The following KCNMB4 variants were observed in gnomAD, a reference collection of about 807,000 sequenced individuals.
The protein encoded by KCNMB4 is potassium calcium-activated channel subfamily M regulatory beta subunit 4, also known as calcium-activated potassium channel subunit beta-4.
In KCNMB4, 3 loss-of-function variants were observed where a neutral mutation model predicts 20.7. That is an observed-to-expected ratio of 0.14 (90% confidence interval 0.07 to 0.37). The LOEUF (loss-of-function observed/expected upper bound fraction) is 0.37, where lower values mean the gene tolerates loss of function less well. Among genes scored for constraint, KCNMB4 ranks in the 10% least tolerant of loss-of-function variants. The probability of loss-of-function intolerance (pLI) is 1.00; values close to 1 mark genes in which losing one functional copy is unlikely to be tolerated. For synonymous variants in KCNMB4, 110 were observed against 113.4 expected (o/e 0.97, Z 0.19); for missense variants, 168 against 265.9 (o/e 0.63, Z 2.56).
chr12:70,379,581 T>G (rs780132143), intron 1 of KCNMB4, among the ~76,000 whole-genome samples: 27 of 152,302 alleles, frequency 1.8e-4, no homozygotes, highest in Non-Finnish European at 3.1e-4. Flanking sequence ...CACACCTGGC[T>G]AATGTTTGTA....
At chr12:70,426,758 A>G (rs1317841928) in intron 2 of KCNMB4, among the ~76,000 whole-genome samples, 1 of 152,206 alleles carries the variant, frequency 6.6e-6, no homozygotes, top group Non-Finnish European at 1.5e-5. Context: ...TTAAGGATCA[A>G]ATGAGTCTGA....
intron 2 of KCNMB4, among the ~76,000 whole-genome samples, chr12:70,422,276 C>T (rs1869087519): frequency 6.6e-6 from 1 of 152,162 alleles, no homozygotes; most frequent in Non-Finnish European, 1.5e-5. Context: ...AACTTGGTAA[C>T]TCAGAGAAAC....
At chr12:70,427,559 A>G (rs1869246045) in intron 2 of KCNMB4, among the ~76,000 whole-genome samples, 1 of 152,238 alleles carries the variant, frequency 6.6e-6, no homozygotes, top group Admixed American at 6.5e-5. Flanking sequence ...CAGTATAGCT[A>G]ACTCGGAGGG....
chr12:70,401,636 C>G (rs934856899), intron 2 of KCNMB4, among the ~76,000 whole-genome samples: 2 of 139,952 alleles, frequency 1.4e-5, no homozygotes, highest in African/African-American at 5.3e-5. Context: ...AGCAATGACA[C>G]TTTTTTTTTT....
intron 1 of KCNMB4, among the ~76,000 whole-genome samples, chr12:70,390,594 T>C (rs1020223827): frequency 1.3e-5 from 2 of 152,222 alleles, no homozygotes; most frequent in Admixed American, 6.5e-5. Context: ...TAGAGATGAA[T>C]TGAGACAGCT....
intron 2 of KCNMB4, among the ~76,000 whole-genome samples, chr12:70,425,903 C>T (rs1869199438): frequency 6.6e-6 from 1 of 152,152 alleles, no homozygotes; most frequent in African/African-American, 2.4e-5. Flanking sequence ...GTTTGGGGGG[C>T]CGAGGCAGGC....
At chr12:70,379,105 T>G (rs1883739680) in intron 1 of KCNMB4, among the ~76,000 whole-genome samples, 1 of 152,338 alleles carries the variant, frequency 6.6e-6, no homozygotes. Flanking sequence ...CAGGCTTTCT[T>G]GTTCCATTTC....
At chr12:70,368,927 G>T (rs1883542817) in intron 1 of KCNMB4, among the ~76,000 whole-genome samples, 1 of 152,108 alleles carries the variant, frequency 6.6e-6, no homozygotes, top group Admixed American at 6.5e-5. Flanking sequence ...TTACCTAGAA[G>T]CAATCCCAAT....
At chr12:70,429,784 A>G (rs1231616677) in intron 2 of KCNMB4, among the ~76,000 whole-genome samples, 1 of 152,200 alleles carries the variant, frequency 6.6e-6, no homozygotes, top group African/African-American at 2.4e-5. Flanking sequence ...AATGGGACCA[A>G]TGCAGGAATT....
chr12:70,368,884 T>C (rs1050104401), intron 1 of KCNMB4, among the ~76,000 whole-genome samples: 2 of 152,174 alleles, frequency 1.3e-5, no homozygotes, highest in Non-Finnish European at 2.9e-5. Context: ...GCAGAAAAAG[T>C]AAATTGAAAT....
intron 2 of KCNMB4, among the ~76,000 whole-genome samples, chr12:70,427,122 A>G (rs929268695): frequency 6.6e-6 from 1 of 152,202 alleles, no homozygotes; most frequent in African/African-American, 2.4e-5. Context: ...CATGTGGCAA[A>G]CAGTGATTAT....
chr12:70,404,730 G>C (rs992746870), intron 2 of KCNMB4, among the ~76,000 whole-genome samples: 2 of 152,222 alleles, frequency 1.3e-5, no homozygotes, highest in African/African-American at 2.4e-5. Context: ...ACTTGACTGA[G>C]TGTTAGAAAA....
At chr12:70,386,866 T>C (rs1868261464) in intron 1 of KCNMB4, among the ~76,000 whole-genome samples, 1 of 152,206 alleles carries the variant, frequency 6.6e-6, no homozygotes, top group Admixed American at 6.5e-5. Context: ...GAATGAGACC[T>C]CTATCTGTAC....
intron 1 of KCNMB4, among the ~76,000 whole-genome samples, chr12:70,395,151 G>GTTTTTTTTTTTTTTTTTTTTTTTTTTTT (rs1478681672): frequency 6.6e-6 from 1 of 151,474 alleles, no homozygotes; most frequent in African/African-American, 2.4e-5. Context: ...AGTAGATAAT[G>GTTTTTTTTTTTTTTTTTTTTTTTTTTTT]TTTTAAGAAT....
In KCNMB4 at chr12:70,384,986, G is replaced by C. The variant is rs534623012; in HGVS notation, c.337-15223G>C. Among the ~76,000 whole-genome samples, 7 of 151,618 alleles carry C rather than the reference G, an allele frequency of 4.6e-5. No homozygotes were observed. In the South Asian group the frequency reaches 6.3e-4, roughly 14 times the overall value. On this transcript the variant is annotated intron_variant, in intron 1 of 2. Coordinates refer to ENST00000258111, the MANE Select transcript of KCNMB4 (RefSeq NM_014505.6). ...CTATAGGTCAGTCACTTAACCTCTT[G>C]ATCAAGAAACCTTTACAAGCTGAGG...
At chr12:70,386,191 A>G (rs1868254865) in intron 1 of KCNMB4, among the ~76,000 whole-genome samples, 1 of 152,168 alleles carries the variant, frequency 6.6e-6, no homozygotes, top group African/African-American at 2.4e-5. Flanking sequence ...CCTTTTTCAG[A>G]CAGTCACATA....
At chr12:70,426,923 C>G (rs939662244) in intron 2 of KCNMB4, among the ~76,000 whole-genome samples, 6 of 152,144 alleles carry the variant, frequency 3.9e-5, no homozygotes, top group African/African-American at 1.4e-4. Flanking sequence ...TCTTTTGTAG[C>G]CCTGACCCAG....
At chr12:70,424,055 T>C (rs1869141898) in intron 2 of KCNMB4, among the ~76,000 whole-genome samples, 1 of 152,098 alleles carries the variant, frequency 6.6e-6, no homozygotes, top group African/African-American at 2.4e-5. Context: ...CCTAACTTAG[T>C]AGGGAAAAGG....
rs769206333 is a variant in KCNMB4 at position 70,422,757 on chromosome 12, G to T, written c.465-7728G>T. On this transcript the variant is annotated intron_variant, in intron 2 of 2. Coordinates refer to ENST00000258111, the MANE Select transcript of KCNMB4 (RefSeq NM_014505.6). ...TCTGAGAACTCAGGAAGCATCTCCG[G>T]CAGGGGTTATCCTTAATAGGCCCCC... 4.4e-5 allele frequency: 57 copies of T among 1,288,046 alleles called. 1 individual carries two copies. In the Middle Eastern group the frequency reaches 2.8e-3, roughly 63 times the overall value. The allele number at this position is 1,288,046 out of a possible 1,614,324, so 79.8% of individuals were successfully genotyped here.
Sources: allele counts gnomAD v4.1 joint callset (sites outside exome capture counted in the v4.1 genomes callset), GRCh38; gene constraint gnomAD v4.1.1; transcripts MANE v1.5; gene names NCBI Gene and HGNC (gene_info 2026-07-23, HGNC 2026-07-21).